Variants in FMN2 observed in about 807,000 individuals in gnomAD.
FMN2 encodes the protein formin 2, also known as formin-2.
Under a neutral mutation model 142.3 loss-of-function variants are expected in FMN2, and 51 were observed. The ratio of observed to expected loss-of-function variants is 0.36; its 90% CI spans 0.29 to 0.45. The LOEUF (loss-of-function observed/expected upper bound fraction) is 0.45. Among genes scored for constraint, FMN2 ranks in the 20% least tolerant of loss-of-function variants. FMN2 has a pLI of 1.00. For synonymous variants in FMN2, 882 were observed against 869.8 expected (o/e 1.01, Z -0.25); for missense variants, 1,936 against 2,122.8 (o/e 0.91, Z 1.73).
intron 13 of FMN2, among the ~76,000 whole-genome samples, chr1:240,344,157 G>C (rs1013507251): frequency 9.9e-5 from 15 of 152,222 alleles, no homozygotes; most frequent in African/African-American, 3.6e-4. Flanking sequence ...AGGAGAATTT[G>C]TGAGACCAGT....
At chr1:240,258,078 G>A (rs1238841680) in intron 7 of FMN2, 46 bp downstream of exon 7, 7 of 1,468,424 alleles carry the variant, frequency 4.8e-6, no homozygotes, top group South Asian at 4.7e-5. Context: ...TAAAATTTGG[G>A]CTGAGGGATA....
intron 13 of FMN2, among the ~76,000 whole-genome samples, chr1:240,345,071 C>T (rs768943649): frequency 9.9e-5 from 15 of 152,114 alleles, no homozygotes; most frequent in Non-Finnish European, 1.9e-4. Context: ...TGAGTCATTT[C>T]TTTTTCCATT....
intron 15 of FMN2, among the ~76,000 whole-genome samples, chr1:240,426,941 C>T (rs542127385): frequency 6.6e-6 from 1 of 151,738 alleles, no homozygotes; most frequent in African/African-American, 2.4e-5. Flanking sequence ...GTTTCACTAT[C>T]TTGGCCAGGC....
At chr1:240,247,478 G>A (rs1266852524) in intron 6 of FMN2, among the ~76,000 whole-genome samples, 3 of 150,438 alleles carry the variant, frequency 2.0e-5, no homozygotes, top group Admixed American at 6.6e-5. Context: ...CTCCAGCCTG[G>A]GCAACAAGAG....
rs1265392507 is a variant in FMN2 at position 240,208,153 on chromosome 1, C to T, written c.3341C>T (p.Pro1114Leu). 3.3e-6 allele frequency: 4 copies of T among 1,204,508 alleles called. No individual in the cohort carries two copies. The highest frequency in any genetic ancestry group is 4.9e-5 in the East Asian group (2 of 40,514). The allele number at this position is 1,204,508 out of a possible 1,614,324, so 74.6% of individuals were successfully genotyped here. ...GVGIPPPPPL[P>L]GAGIPPPPPL... ...GGCATACCTCCTCCGCCCCCTCTACCCGGAGCGGGCATACCCCCTCCTCCC... is the reference window on the plus strand; with the variant it reads ...GGCATACCTCCTCCGCCCCCTCTACTCGGAGCGGGCATACCCCCTCCTCCC... The change falls in exon 5 of 18, where the codon CCC becomes CTC. Residue 1114 changes from proline to leucine, a missense_variant. By Grantham distance (98) the Pro-to-Leu change is moderately conservative. Coordinates refer to ENST00000319653, the MANE Select transcript of FMN2 (RefSeq NM_020066.5).
intron 15 of FMN2, among the ~76,000 whole-genome samples, chr1:240,418,259 G>C (rs1198741360): frequency 3.3e-5 from 5 of 150,528 alleles, no homozygotes; most frequent in Admixed American, 2.6e-4. Context: ...GAATGCAGTG[G>C]CACAATCTCA....
At chr1:240,449,719 A>T (rs1675939418) in intron 16 of FMN2, among the ~76,000 whole-genome samples, 1 of 152,224 alleles carries the variant, frequency 6.6e-6, no homozygotes, top group South Asian at 2.1e-4. Context: ...CCTTAAAGGG[A>T]CATGTAAATT....
intron 13 of FMN2, among the ~76,000 whole-genome samples, chr1:240,353,197 A>G (rs1002014685): frequency 1.3e-5 from 2 of 152,244 alleles, no homozygotes; most frequent in Non-Finnish European, 2.9e-5. Flanking sequence ...TTGGTCTTAT[A>G]AAAACAATAG....
At chr1:240,174,531 AATTTTTAAAT>A (rs1381404482) in intron 2 of FMN2, among the ~76,000 whole-genome samples, 7 of 152,052 alleles carry the variant, frequency 4.6e-5, no homozygotes, top group African/African-American at 1.4e-4. Flanking sequence ...ATTTTTTAAA[AATTTTTAAAT>A]ATTCTGTAGA....
At chr1:240,275,164 C>T (rs1223464294) in intron 7 of FMN2, among the ~76,000 whole-genome samples, 1 of 150,378 alleles carries the variant, frequency 6.6e-6, no homozygotes, top group East Asian at 2.0e-4. Flanking sequence ...TAGGTATACA[C>T]GTGCCATGGT....
chr1:240,244,868 G>A (rs981145439), intron 6 of FMN2, among the ~76,000 whole-genome samples: 1 of 152,150 alleles, frequency 6.6e-6, no homozygotes, highest in South Asian at 2.1e-4. Flanking sequence ...GTTTATTGTG[G>A]GACATCTAAG....
At chr1:240,242,485 A>G (rs1180937764) in intron 6 of FMN2, among the ~76,000 whole-genome samples, 1 of 152,174 alleles carries the variant, frequency 6.6e-6, no homozygotes, top group Non-Finnish European at 1.5e-5. Flanking sequence ...CATAGACTAA[A>G]TAAGAATGAA....
At chr1:240,133,812 A>T (rs7530146) in intron 2 of FMN2, among the ~76,000 whole-genome samples, 13,991 of 152,224 alleles carry the variant, frequency 0.092, 790 homozygotes, top group African/African-American at 0.14. Flanking sequence ...GATATATTAC[A>T]CATATTATAA....
At chr1:240,305,701 C>A (rs1225264565) in intron 8 of FMN2, among the ~76,000 whole-genome samples, 1 of 152,020 alleles carries the variant, frequency 6.6e-6, no homozygotes, top group Non-Finnish European at 1.5e-5. Context: ...TTGTATAATG[C>A]CAAGGAATGT....
At chr1:240,245,697 G>A (rs1188506209) in intron 6 of FMN2, 1 of 447,344 alleles carries the variant, frequency 2.2e-6, no homozygotes. Flanking sequence ...AAGATGAAAA[G>A]TTAATTTTAT....
intron 7 of FMN2, among the ~76,000 whole-genome samples, chr1:240,268,512 A>G (rs1441137853): frequency 6.6e-6 from 1 of 152,036 alleles, no homozygotes; most frequent in Non-Finnish European, 1.5e-5. Context: ...GCCATATTCT[A>G]TATTAATTAC....
intron 13 of FMN2, among the ~76,000 whole-genome samples, chr1:240,350,046 T>C (rs1162131035): frequency 3.9e-5 from 6 of 152,128 alleles, no homozygotes; most frequent in African/African-American, 1.2e-4. Flanking sequence ...TGTGCTACAG[T>C]TAAGAGAAGA....
Position 240,211,148 on chromosome 1 carries a change from T to G in FMN2, c.3978T>G (p.His1326Gln), listed in dbSNP as rs1407274244. 10 of 1,613,580 alleles carry G rather than the reference T, an allele frequency of 6.2e-6. No homozygotes were observed. Among genetic ancestry groups the G allele is most frequent in the Non-Finnish European group, 7.6e-6 (9 of 1,179,834 alleles). The change falls in exon 6 of 18, where the codon CAT (histidine) becomes CAG (glutamine). Residue 1326 changes from histidine (H) to glutamine (Q), a missense_variant. His to Gln is a conservative substitution (Grantham distance 24). This residue lies in a region of FMN2 where 259 missense variants were observed against 230.9 expected (regional missense o/e 1.12). Coordinates refer to ENST00000319653, the MANE Select transcript of FMN2 (RefSeq NM_020066.5). ...TTGAAGAGCCATCCATAGATTGTCA[T>G]GAATTTGAGGAATTATTTTCTAAAA... is the stretch of plus-strand genomic sequence containing the variant. ...EKIEEPSIDC[H>Q]EFEELFSKTA...
intron 8 of FMN2, among the ~76,000 whole-genome samples, chr1:240,320,115 T>G (rs1193464084): frequency 6.6e-6 from 1 of 152,158 alleles, no homozygotes; most frequent in African/African-American, 2.4e-5. Context: ...GCAAACACAG[T>G]AAATCTTGAG....
Sources: allele counts gnomAD v4.1 joint callset (sites outside exome capture counted in the v4.1 genomes callset), GRCh38; gene constraint gnomAD v4.1.1; regional missense constraint gnomAD v4.1.1; transcripts MANE v1.5; gene names NCBI Gene and HGNC (gene_info 2026-07-23, HGNC 2026-07-21).